SYNE2: variants seen among roughly 807,000 people sequenced by gnomAD.
The protein encoded by SYNE2 is nesprin-2.
SYNE2 carries 431 observed loss-of-function variants against 856.3 expected under a neutral mutation model. The observed-to-expected ratio is 0.50, with a 90% CI of 0.47 to 0.55. The LOEUF (loss-of-function observed/expected upper bound fraction) is 0.55. Ranked by LOEUF, SYNE2 falls within the 20% of genes least tolerant of loss-of-function variation. The probability of loss-of-function intolerance (pLI) is 0.00; values close to 1 mark genes in which losing one functional copy is unlikely to be tolerated. For missense variants in SYNE2, 8,129 were observed against 8,023.2 expected (o/e 1.01, Z -0.50); for synonymous variants, 2,923 against 2,872.3 (o/e 1.02, Z -0.56).
intron 42 of SYNE2, 72 bp from the exon 43 acceptor site, chr14:64,027,412 T>C: frequency 4.2e-6 from 4 of 957,440 alleles, no homozygotes; most frequent in Non-Finnish European, 6.4e-6. Context: ...GGATGTGTGT[T>C]ACATAATATG....
chr14:63,845,496 T>A (rs1251814660), intron 1 of SYNE2, among the ~76,000 whole-genome samples: 1 of 152,166 alleles, frequency 6.6e-6, no homozygotes, highest in Non-Finnish European at 1.5e-5. Context: ...TCTTATTTTT[T>A]AAAATTTAGT....
At chr14:64,172,252 C>A (rs919761387) in intron 94 of SYNE2, among the ~76,000 whole-genome samples, 4 of 152,200 alleles carry the variant, frequency 2.6e-5, no homozygotes, top group Admixed American at 2.6e-4. Flanking sequence ...CATAATGACA[C>A]TCATCATTCT....
At chr14:63,964,028 T>C (rs1363002004) in intron 10 of SYNE2, 28 bp downstream of exon 10, 1 of 1,353,298 alleles carries the variant, frequency 7.4e-7, no homozygotes, top group Non-Finnish European at 1.1e-6. Flanking sequence ...CAGCTGTTTG[T>C]AATTTACCTT....
chr14:64,016,365 G>A, intron 32 of SYNE2, 108 bp from the exon 33 acceptor site: 1 of 719,930 alleles, frequency 1.4e-6, no homozygotes, highest in South Asian at 1.9e-5. Context: ...AAGGTATTAT[G>A]CTTTGTTGGG....
At chr14:64,076,385 T>A (rs1264763787) in intron 54 of SYNE2, among the ~76,000 whole-genome samples, 2 of 152,212 alleles carry the variant, frequency 1.3e-5, no homozygotes, top group Non-Finnish European at 2.9e-5. Context: ...TTTTGTTTGC[T>A]TTTGTACAAC....
intron 2 of SYNE2, among the ~76,000 whole-genome samples, chr14:63,939,347 CTTT>C (rs1056199146): frequency 2.6e-5 from 3 of 115,170 alleles, no homozygotes; most frequent in Non-Finnish European, 3.6e-5. Flanking sequence ...TTTTTTTTTT[CTTT>C]TTTTTTTTTT....
chr14:64,085,159 A>G (rs1002013298), intron 57 of SYNE2: 3 of 574,698 alleles, frequency 5.2e-6, no homozygotes, highest in Non-Finnish European at 9.4e-6. Context: ...TGCAGCCTCC[A>G]CCTTCTGAGT....
chr14:64,171,807 T>C (rs1038306915), intron 94 of SYNE2, among the ~76,000 whole-genome samples: 1 of 152,132 alleles, frequency 6.6e-6, no homozygotes, highest in African/African-American at 2.4e-5. Flanking sequence ...CAGGGAGCCT[T>C]TGAAGCATTT....
chr14:64,225,732 C>T lies in SYNE2; in HGVS notation c.*206C>T, dbSNP rs1343971464. On this transcript the variant is annotated 3_prime_UTR_variant, in exon 116 of 116. Coordinates refer to ENST00000555002, the MANE Select transcript of SYNE2 (RefSeq NM_182914.3). ...CCCCAGGAGCAGGGAACCTGTGTGGCAGGTGCCCCGGGTATTTTGGCAGAA... is the reference window on the plus strand; with the variant it reads ...CCCCAGGAGCAGGGAACCTGTGTGGTAGGTGCCCCGGGTATTTTGGCAGAA... 2 of 630,314 alleles carry T rather than the reference C, an allele frequency of 3.2e-6. No individual in the cohort carries two copies. Among genetic ancestry groups the T allele is most frequent in the Non-Finnish European group, 5.7e-6 (2 of 353,702 alleles). 39.0% of individuals were successfully genotyped at this position (630,314 alleles called of 1,614,324 possible).
At chr14:63,966,273 T>C (rs1190536351) in intron 10 of SYNE2, among the ~76,000 whole-genome samples, 3 of 151,688 alleles carry the variant, frequency 2.0e-5, no homozygotes, top group African/African-American at 7.3e-5. Flanking sequence ...CTCAGCACTT[T>C]GGGAGGTGAG....
At chr14:64,083,794 C>T (rs1595402780) in intron 57 of SYNE2, among the ~76,000 whole-genome samples, 1 of 152,192 alleles carries the variant, frequency 6.6e-6, no homozygotes, top group South Asian at 2.1e-4. Flanking sequence ...TTTAATTGCA[C>T]TATACCCTTC....
At chr14:64,178,609 C>T (rs2098444964) in intron 96 of SYNE2, among the ~76,000 whole-genome samples, 1 of 152,156 alleles carries the variant, frequency 6.6e-6, no homozygotes, top group Non-Finnish European at 1.5e-5. Flanking sequence ...CAGGCATGCA[C>T]CGCCATGCCC....
At chr14:63,896,539 T>C (rs2095255756) in intron 1 of SYNE2, among the ~76,000 whole-genome samples, 1 of 152,198 alleles carries the variant, frequency 6.6e-6, no homozygotes, top group Non-Finnish European at 1.5e-5. Context: ...CGGAGAACTT[T>C]GGGTTAGATT....
chr14:63,925,313 C>T (rs2095650801), intron 2 of SYNE2, among the ~76,000 whole-genome samples: 2 of 152,020 alleles, frequency 1.3e-5, no homozygotes, highest in Admixed American at 1.3e-4. Context: ...CGAGTGAGAC[C>T]CTGTCTCAAA....
Position 64,038,281 on chromosome 14 carries a change from G to C in SYNE2, c.7221+6924G>C, listed in dbSNP as rs566149035. ...GAGGCGCTCCTCACTTCCTAGATGG[G>C]ATGGGGGCCGGGAAGAGGCGCTCCT... On this transcript the variant is annotated intron_variant, in intron 45 of 115. Coordinates refer to ENST00000555002, the MANE Select transcript of SYNE2 (RefSeq NM_182914.3). 2.0e-5 allele frequency among the ~76,000 whole-genome samples: 3 copies of C among 150,522 alleles called. No homozygotes were observed. In the East Asian group the frequency reaches 5.8e-4, roughly 29 times the overall value.
chr14:63,765,643 C>CA, intron 1 of SYNE2, among the ~76,000 whole-genome samples: 1 of 152,046 alleles, frequency 6.6e-6, no homozygotes, highest in Non-Finnish European at 1.5e-5. Context: ...AGGTGTGAGC[C>CA]ACCACACCCA....
intron 1 of SYNE2, among the ~76,000 whole-genome samples, chr14:63,869,182 A>G (rs973175394): frequency 2.6e-5 from 4 of 152,238 alleles, no homozygotes; most frequent in Non-Finnish European, 4.4e-5. Flanking sequence ...AAAGTGTCCC[A>G]GAGAGCAGCC....
intron 106 of SYNE2, 67 bp downstream of exon 106, chr14:64,214,537 C>T: frequency 6.8e-7 from 1 of 1,471,286 alleles, no homozygotes; most frequent in South Asian, 1.2e-5. Flanking sequence ...CCCTTAGCAA[C>T]ACGGCCAGCT....
At chr14:63,878,910 T>C (rs1357309906) in intron 1 of SYNE2, among the ~76,000 whole-genome samples, 1 of 152,200 alleles carries the variant, frequency 6.6e-6, no homozygotes, top group Admixed American at 6.5e-5. Context: ...TAAATATCTG[T>C]CTGAAGCCAT....
Sources: gnomAD v4.1 joint callset for allele counts (sites outside exome capture counted in the v4.1 genomes callset) on GRCh38, gnomAD v4.1.1 for gene constraint, MANE v1.5 for transcripts, NCBI Gene and HGNC (gene_info 2026-07-23, HGNC 2026-07-21) for gene names.